Variants in HTR1F observed in about 807,000 individuals in gnomAD.
The protein encoded by HTR1F is 5-hydroxytryptamine (serotonin) receptor 1F, G protein-coupled.
HTR1F carries 17 observed loss-of-function variants against 24.0 expected under a neutral mutation model. The ratio of observed to expected loss-of-function variants is 0.71; its 90% CI spans 0.48 to 1.06. HTR1F has a LOEUF of 1.06. Among genes scored for constraint, HTR1F ranks in the 50% least tolerant of loss-of-function variants. The probability of loss-of-function intolerance (pLI) is 0.00; values close to 1 mark genes in which losing one functional copy is unlikely to be tolerated. For missense variants in HTR1F, 391 were observed against 427.8 expected (o/e 0.91, Z 0.76); for synonymous variants, 186 against 156.8 (o/e 1.19, Z -1.39).
intron 2 of HTR1F, among the ~76,000 whole-genome samples, chr3:87,846,314 A>G (rs1489797112): frequency 6.6e-6 from 1 of 151,814 alleles, no homozygotes; most frequent in African/African-American, 2.4e-5. Context: ...AGCACCTGTA[A>G]TCCCAGCTAC....
At chr3:87,841,587 C>G (rs966603572) in intron 2 of HTR1F, among the ~76,000 whole-genome samples, 1 of 151,642 alleles carries the variant, frequency 6.6e-6, no homozygotes, top group Non-Finnish European at 1.5e-5. Flanking sequence ...TTCTGTGAAG[C>G]TCAATGACCT....
intron 2 of HTR1F, among the ~76,000 whole-genome samples, chr3:87,877,165 A>G (rs1203910791): frequency 6.6e-6 from 1 of 152,102 alleles, no homozygotes; most frequent in African/African-American, 2.4e-5. Context: ...GAAAAAAACC[A>G]TAATTTCACC....
chr3:87,893,094 A>G (rs1042890381), intron 2 of HTR1F, among the ~76,000 whole-genome samples: 1 of 152,134 alleles, frequency 6.6e-6, no homozygotes, highest in Non-Finnish European at 1.5e-5. Context: ...ACAACTGGCT[A>G]AAAATATAAA....
chr3:87,874,368 T>G (rs1705623177), intron 2 of HTR1F, among the ~76,000 whole-genome samples: 1 of 151,904 alleles, frequency 6.6e-6, no homozygotes. Context: ...GAAAATGAAA[T>G]TAAGAAAACA....
chr3:87,840,929 A>G (rs1704789080), intron 2 of HTR1F, among the ~76,000 whole-genome samples: 1 of 151,970 alleles, frequency 6.6e-6, no homozygotes, highest in Admixed American at 6.6e-5. Flanking sequence ...GTGGCTCTGA[A>G]GAGAGTGTGG....
chr3:87,895,292 T>A (rs1706174936), intron 2 of HTR1F, among the ~76,000 whole-genome samples: 1 of 152,242 alleles, frequency 6.6e-6, no homozygotes, highest in South Asian at 2.1e-4. Flanking sequence ...AATACACATT[T>A]AATACACATT....
At chr3:87,907,847 A>G (rs2107341589) in intron 2 of HTR1F, among the ~76,000 whole-genome samples, 1 of 152,152 alleles carries the variant, frequency 6.6e-6, no homozygotes, top group East Asian at 1.9e-4. Context: ...CAAAGAAAGA[A>G]TAATTTTTGA....
chr3:87,974,056 G>C (rs1220563813), intron 2 of HTR1F, among the ~76,000 whole-genome samples: 2 of 152,096 alleles, frequency 1.3e-5, no homozygotes, highest in Non-Finnish European at 2.9e-5. Flanking sequence ...GACAACTCTC[G>C]AGCAGCAGAT....
chr3:87,845,316 T>C (rs1056983689), intron 2 of HTR1F, among the ~76,000 whole-genome samples: 7 of 151,782 alleles, frequency 4.6e-5, no homozygotes, highest in Non-Finnish European at 8.8e-5. Context: ...GATGACATGA[T>C]TGTATATCTA....
chr3:87,877,832 G>T (rs1233572435), intron 2 of HTR1F, among the ~76,000 whole-genome samples: 1 of 152,180 alleles, frequency 6.6e-6, no homozygotes, highest in Non-Finnish European at 1.5e-5. Flanking sequence ...TTGTCTTTGG[G>T]TAAGGATAAG....
At chr3:87,803,782 A>G (rs1379380658) in intron 1 of HTR1F, among the ~76,000 whole-genome samples, 1 of 152,238 alleles carries the variant, frequency 6.6e-6, no homozygotes, top group Admixed American at 6.5e-5. Context: ...AGAACTACAT[A>G]TAATTCCATG....
chr3:87,990,114 T>A (rs1406795832), intron 2 of HTR1F, among the ~76,000 whole-genome samples: 3 of 152,182 alleles, frequency 2.0e-5, no homozygotes, highest in South Asian at 4.1e-4. Context: ...TAGACCCCAA[T>A]AAACTTGTTC....
chr3:87,879,235 T>A (rs1427064311), intron 2 of HTR1F, among the ~76,000 whole-genome samples: 1 of 152,176 alleles, frequency 6.6e-6, no homozygotes, highest in African/African-American at 2.4e-5. Context: ...AGAATTAAAA[T>A]TTGATTTATT....
chr3:87,965,128 G>A (rs947861897), intron 2 of HTR1F, among the ~76,000 whole-genome samples: 2 of 152,150 alleles, frequency 1.3e-5, no homozygotes, highest in Non-Finnish European at 2.9e-5. Context: ...AGCAGCATGA[G>A]AACAGACTAA....
At chr3:87,947,164 T>C (rs572391134) in intron 2 of HTR1F, among the ~76,000 whole-genome samples, 17 of 152,352 alleles carry the variant, frequency 1.1e-4, no homozygotes, top group Middle Eastern at 3.4e-3. Flanking sequence ...TATTTTTGCC[T>C]TTAAAGTAAT....
rs749625584 is a variant in HTR1F at position 87,991,315 on chromosome 3, CT to C, written c.569del (p.Phe190SerfsTer7). 1 of 1,613,950 alleles carries C rather than the reference CT, an allele frequency of 6.2e-7. No homozygotes were observed. Among genetic ancestry groups the C allele is most frequent in the Non-Finnish European group, 8.5e-7 (1 of 1,179,950 alleles). ...IVSTIYSTFG[A>X]FYIPLALILI... ...TCCACCATTTACTCAACATTTGGAGCTTTCTACATCCCACTGGCATTGATTT... is the reference window on the plus strand; with the variant it reads ...TCCACCATTTACTCAACATTTGGAGCTTCTACATCCCACTGGCATTGATTT... On this transcript the variant is annotated frameshift_variant, in exon 3 of 3. Coordinates refer to ENST00000319595, the MANE Select transcript of HTR1F (RefSeq NM_001322209.2). LOFTEE classifies it high-confidence loss of function.
chr3:87,800,071 C>T (rs1443441042), intron 1 of HTR1F, among the ~76,000 whole-genome samples: 1 of 152,172 alleles, frequency 6.6e-6, no homozygotes, highest in Non-Finnish European at 1.5e-5. Context: ...TTAGTCTAGA[C>T]TCTTTCAATA....
intron 1 of HTR1F, among the ~76,000 whole-genome samples, chr3:87,813,167 T>C (rs1381069527): frequency 6.6e-6 from 1 of 152,184 alleles, no homozygotes; most frequent in Admixed American, 6.5e-5. Flanking sequence ...TTGCACTGTG[T>C]GCCTGGAAAA....
At chr3:87,936,573 G>A (rs2107425001) in intron 2 of HTR1F, among the ~76,000 whole-genome samples, 1 of 152,192 alleles carries the variant, frequency 6.6e-6, no homozygotes, top group South Asian at 2.1e-4. Context: ...CAGACTGGAG[G>A]TAAAATCTGT....
Sources: allele counts gnomAD v4.1 joint callset (sites outside exome capture counted in the v4.1 genomes callset), GRCh38; gene constraint gnomAD v4.1.1; transcripts MANE v1.5; gene names NCBI Gene and HGNC (gene_info 2026-07-23, HGNC 2026-07-21).